The following CCSER1 variants were observed in gnomAD, a reference collection of about 807,000 sequenced individuals.
CCSER1 encodes serine-rich coiled-coil domain-containing protein 1.
Under a neutral mutation model 82.0 loss-of-function variants are expected in CCSER1, and 41 were observed. That is an observed-to-expected ratio of 0.50 (90% CI 0.39 to 0.65). The LOEUF (loss-of-function observed/expected upper bound fraction) is 0.65, where lower values mean the gene tolerates loss of function less well. CCSER1 is among the 30% of genes least tolerant of loss of function. CCSER1 has a pLI of 0.00. For missense variants in CCSER1, 1,119 were observed against 1,064.2 expected, an observed-to-expected ratio of 1.05 and a Z score of -0.72; for synonymous variants, 414 against 383.9, an observed-to-expected ratio of 1.08 and a Z score of -0.92.
intron 9 of CCSER1, chr4:90,951,322 T>G (rs1732888586): frequency 6.6e-6 from 1 of 152,036 alleles, no homozygotes; most frequent in African/African-American, 2.4e-5. Flanking sequence ...ACTCAGTAAC[T>G]GAATAGTTTA....
At chr4:91,090,985 T>A (rs1723885474) in intron 10 of CCSER1, among the ~76,000 whole-genome samples, 1 of 152,124 alleles carries the variant, frequency 6.6e-6, no homozygotes, top group South Asian at 2.1e-4. Context: ...GGGCTTCCTT[T>A]CCCTTTTTGG....
chr4:90,468,522 G>T, intron 5 of CCSER1, 168 bp downstream of exon 5: 1 of 549,212 alleles, frequency 1.8e-6, no homozygotes. Flanking sequence ...TAACTTCTGT[G>T]TCTCCTAACT....
intron 3 of CCSER1, among the ~76,000 whole-genome samples, chr4:90,399,204 C>T (rs1752452437): frequency 6.6e-6 from 1 of 152,040 alleles, no homozygotes; most frequent in Non-Finnish European, 1.5e-5. Context: ...ATTCCTTCTT[C>T]AGCAATTCCT....
At chr4:90,369,050 C>T (rs1746848918) in intron 3 of CCSER1, among the ~76,000 whole-genome samples, 1 of 151,618 alleles carries the variant, frequency 6.6e-6, no homozygotes, top group Non-Finnish European at 1.5e-5. Flanking sequence ...ATTATACCTG[C>T]AGAAATTTTA....
chr4:90,733,156 T>C (rs1363365002), intron 7 of CCSER1, among the ~76,000 whole-genome samples: 1 of 152,234 alleles, frequency 6.6e-6, no homozygotes, highest in Non-Finnish European at 1.5e-5. Context: ...CAACATTGTA[T>C]GAAGGTTCCC....
chr4:91,165,661 C>T (rs1422409044), intron 10 of CCSER1, among the ~76,000 whole-genome samples: 1 of 152,258 alleles, frequency 6.6e-6, no homozygotes, highest in African/African-American at 2.4e-5. Context: ...CCCTGCCAGG[C>T]TGCTGCCTCG....
Position 90,465,295 on chromosome 4 carries a change from G to A in CCSER1, c.1604-2939G>A, listed in dbSNP as rs192673855. Among the ~76,000 whole-genome samples the A allele has an allele frequency of 4.4e-3, 653 of 149,882 alleles. 6 individuals carry two copies. The highest frequency in any genetic ancestry group is 0.015 in the African/African-American group (622 of 40,260). ...GCTGGGATTACAGGTGTGAACCACC[G>A]CGCCCAGGCAGCACTTTCCGTGTTC... On this transcript the variant is annotated intron_variant, in intron 4 of 10. Transcript: ENST00000509176.
chr4:91,328,321 CA>C (rs1191954838), intron 10 of CCSER1, among the ~76,000 whole-genome samples: 1 of 152,200 alleles, frequency 6.6e-6, no homozygotes, highest in African/African-American at 2.4e-5. Context: ...AACTTACAAT[CA>C]TGGCCAAAGG....
intron 3 of CCSER1, among the ~76,000 whole-genome samples, chr4:90,383,998 A>G (rs1301071968): frequency 6.6e-6 from 1 of 151,876 alleles, no homozygotes; most frequent in African/African-American, 2.4e-5. Context: ...CCTGGGCTCA[A>G]ACAATCCTCC....
intron 6 of CCSER1, among the ~76,000 whole-genome samples, chr4:90,634,314 G>A (rs1725036849): frequency 6.6e-6 from 1 of 151,698 alleles, no homozygotes; most frequent in African/African-American, 2.4e-5. Context: ...ACCCGCCATT[G>A]ATTAAAGAGC....
chr4:91,548,071 G>C (rs1408840855), intron 10 of CCSER1, among the ~76,000 whole-genome samples: 1 of 152,150 alleles, frequency 6.6e-6, no homozygotes, highest in African/African-American at 2.4e-5. Flanking sequence ...TTACAGGCGT[G>C]AGCCACTGCG....
At chr4:90,403,477 C>G (rs1201435877) in intron 4 of CCSER1, among the ~76,000 whole-genome samples, 1 of 119,414 alleles carries the variant, frequency 8.4e-6, no homozygotes, top group Admixed American at 1.1e-4. Context: ...CCAGCCTGGG[C>G]GACAGAGCGA....
chr4:90,733,603 T>A (rs1443668960), intron 7 of CCSER1, among the ~76,000 whole-genome samples: 6 of 152,154 alleles, frequency 3.9e-5, no homozygotes, highest in African/African-American at 1.4e-4. Flanking sequence ...CCTTGTCTAC[T>A]CCATGGTCCT....
At chr4:90,696,805 A>G (rs1737069676) in intron 6 of CCSER1, among the ~76,000 whole-genome samples, 1 of 152,136 alleles carries the variant, frequency 6.6e-6, no homozygotes, top group Non-Finnish European at 1.5e-5. Context: ...GAAAGCATAT[A>G]TAACTTGCCT....
At chr4:91,490,920 ATATAT>A (rs1758497998) in intron 10 of CCSER1, among the ~76,000 whole-genome samples, 5 of 90,630 alleles carry the variant, frequency 5.5e-5, no homozygotes, top group African/African-American at 1.2e-4. Context: ...ATATATATAT[ATATAT>A]ATAAAATATG....
chr4:91,367,191 C>T (rs1247048058), intron 10 of CCSER1, among the ~76,000 whole-genome samples: 1 of 147,214 alleles, frequency 6.8e-6, no homozygotes, highest in Admixed American at 6.8e-5. Flanking sequence ...GTGGATTGAA[C>T]CTGTAGTCGA....
chr4:90,780,449 A>T, intron 7 of CCSER1: 1 of 1,611,676 alleles, frequency 6.2e-7, no homozygotes, highest in Non-Finnish European at 8.5e-7. Context: ...CAGACCACAT[A>T]CCCTAGGGAA....
chr4:91,392,779 T>C (rs1386519878), intron 10 of CCSER1, among the ~76,000 whole-genome samples: 1 of 152,158 alleles, frequency 6.6e-6, no homozygotes, highest in Non-Finnish European at 1.5e-5. Context: ...AGTTTTGATT[T>C]ATTCCAAAAG....
intron 5 of CCSER1, among the ~76,000 whole-genome samples, chr4:90,570,722 G>T (rs919627352): frequency 2.0e-5 from 3 of 152,062 alleles, no homozygotes; most frequent in African/African-American, 7.2e-5. Flanking sequence ...TTTTGCCTCC[G>T]GTCTCCACAC....
Sources: allele counts gnomAD v4.1 joint callset (sites outside exome capture counted in the v4.1 genomes callset), GRCh38; gene constraint gnomAD v4.1.1; transcripts MANE v1.5; gene names NCBI Gene and HGNC (gene_info 2026-07-23, HGNC 2026-07-21).